XRCC4: variants seen among roughly 807,000 people sequenced by gnomAD.
XRCC4 encodes the protein DNA repair protein XRCC4.
A neutral mutation model predicts 39.1 loss-of-function variants in XRCC4; 28 were observed. That is an observed-to-expected ratio of 0.72 (90% confidence interval 0.53 to 0.98). XRCC4 has a LOEUF of 0.98. Among genes scored for constraint, XRCC4 ranks in the 50% least tolerant of loss-of-function variants. The pLI, the probability that XRCC4 is intolerant of heterozygous loss-of-function variation, is 0.00. For synonymous variants in XRCC4, 123 were observed against 126.4 expected (o/e 0.97, Z 0.18); for missense variants, 350 against 376.4 (o/e 0.93, Z 0.58).
chr5:83,282,325 AAAG>A (rs1300332389), intron 7 of XRCC4, among the ~76,000 whole-genome samples: 1 of 152,176 alleles, frequency 6.6e-6, no homozygotes, highest in Non-Finnish European at 1.5e-5. Flanking sequence ...TAGCAAAAAA[AAAG>A]AAGCAATGTA....
At chr5:83,364,086 T>C in the XRCC4 span, among the ~76,000 whole-genome samples, 4 of 152,272 alleles carry the variant, frequency 2.6e-5, no homozygotes, top group East Asian at 7.7e-4. Context: ...CAAAGCATTG[T>C]GAAAGAGGGG....
chr5:83,150,588 G>A (rs1453271417), intron 3 of XRCC4, among the ~76,000 whole-genome samples: 1 of 152,122 alleles, frequency 6.6e-6, no homozygotes, highest in African/African-American at 2.4e-5. Context: ...ATCTCTCTAG[G>A]TGTTAACTAA....
rs28383153 is a variant in XRCC4, at chr5:83,111,736, A to G, written c.315+533A>G. On this transcript the variant is annotated intron_variant, in intron 3 of 7. Coordinates refer to ENST00000396027, the MANE Select transcript of XRCC4 (RefSeq NM_003401.5). Reference sequence around the variant, plus strand: ...AAGCCTAAGCTTTGCAAACAAGAGTATCTGCTACTTATTCTGCTCAGTTCC... The same window carrying G: ...AAGCCTAAGCTTTGCAAACAAGAGTGTCTGCTACTTATTCTGCTCAGTTCC... Among the ~76,000 whole-genome samples the G allele has an allele frequency of 7.8e-3, 1,186 of 152,270 alleles. 13 individuals are homozygous for G. The highest frequency in any genetic ancestry group is 0.027 in the African/African-American group (1,107 of 41,578).
intron 3 of XRCC4, among the ~76,000 whole-genome samples, chr5:83,133,266 G>C (rs1561351099): frequency 6.6e-6 from 1 of 152,106 alleles, no homozygotes; most frequent in Non-Finnish European, 1.5e-5. Context: ...TCTCAGAGGG[G>C]CACCTGGCCA....
chr5:83,183,240 C>G (rs977936491), intron 3 of XRCC4, among the ~76,000 whole-genome samples: 1 of 151,084 alleles, frequency 6.6e-6, no homozygotes, highest in East Asian at 1.9e-4. Context: ...TATGAATCTT[C>G]TTTTAATCTG....
intron 3 of XRCC4, among the ~76,000 whole-genome samples, chr5:83,142,470 C>T (rs960272868): frequency 6.6e-6 from 1 of 152,188 alleles, no homozygotes; most frequent in Non-Finnish European, 1.5e-5. Flanking sequence ...TACTTTTGTA[C>T]TTAGTTAATG....
chr5:83,179,433 G>A (rs1403385568), intron 3 of XRCC4, among the ~76,000 whole-genome samples: 1 of 152,208 alleles, frequency 6.6e-6, no homozygotes, highest in Non-Finnish European at 1.5e-5. Flanking sequence ...TGCCAGGGAA[G>A]TATATTATGG....
chr5:83,180,493 A>G (rs984124122), intron 3 of XRCC4, among the ~76,000 whole-genome samples: 2 of 152,162 alleles, frequency 1.3e-5, no homozygotes, highest in African/African-American at 4.8e-5. Context: ...CTCTGTATCT[A>G]CAGGGAGTTA....
At chr5:83,107,972 T>C (rs1242059833) in intron 2 of XRCC4, among the ~76,000 whole-genome samples, 1 of 151,824 alleles carries the variant, frequency 6.6e-6, no homozygotes, top group Non-Finnish European at 1.5e-5. Context: ...TTTGGCTAGT[T>C]ATATATAGGT....
intron 6 of XRCC4, among the ~76,000 whole-genome samples, chr5:83,232,582 A>C (rs975395481): frequency 1.3e-5 from 2 of 152,044 alleles, no homozygotes; most frequent in Non-Finnish European, 2.9e-5. Context: ...TTTCACCTGA[A>C]ACTGCTTGTT....
At chr5:83,133,537 C>G (rs2112489979) in intron 3 of XRCC4, among the ~76,000 whole-genome samples, 1 of 152,322 alleles carries the variant, frequency 6.6e-6, no homozygotes, top group African/African-American at 2.4e-5. Flanking sequence ...TGGGCTCCAC[C>G]CAGTTCGAGC....
chr5:83,108,086 C>T (rs772083902), intron 2 of XRCC4, among the ~76,000 whole-genome samples: 1 of 151,946 alleles, frequency 6.6e-6, no homozygotes, highest in Non-Finnish European at 1.5e-5. Flanking sequence ...AGTCTGACTT[C>T]TACCAGTTCC....
At position 83,160,694 on chromosome 5, in the gene XRCC4, G is replaced by C. The variant is rs1241605638; in HGVS notation, c.316-35076G>C. Among the ~76,000 whole-genome samples, 9 of 152,186 alleles carry C rather than the reference G, an allele frequency of 5.9e-5. No individual in the cohort carries two copies. The East Asian group carries it at 1.5e-3, about 26-fold the overall frequency. Reference sequence around the variant, plus strand: ...TTCATGTAGGAAGTTAGTTTTAGTTGCCTTTGGGTAAGGTTTCTTCTTTTC... The same window carrying C: ...TTCATGTAGGAAGTTAGTTTTAGTTCCCTTTGGGTAAGGTTTCTTCTTTTC... On this transcript the variant is annotated intron_variant, in intron 3 of 7. Transcript: ENST00000396027.
At chr5:83,330,550 G>A (rs190089756) in intron 7 of XRCC4, among the ~76,000 whole-genome samples, 76 of 151,948 alleles carry the variant, frequency 5.0e-4, no homozygotes, top group Non-Finnish European at 9.1e-4. Flanking sequence ...TCTTTTTAAG[G>A]CAAGAGAATG....
intron 3 of XRCC4, among the ~76,000 whole-genome samples, chr5:83,191,650 AGATCATGCC>A (rs1750701114): frequency 6.6e-6 from 1 of 152,162 alleles, no homozygotes; most frequent in Non-Finnish European, 1.5e-5. Context: ...CAGTGAGCCG[AGATCATGCC>A]ACTGTACTCT....
intron 7 of XRCC4, among the ~76,000 whole-genome samples, chr5:83,271,492 T>A (rs1004032577): frequency 1.3e-5 from 2 of 152,192 alleles, no homozygotes; most frequent in Non-Finnish European, 2.9e-5. Context: ...TCCAAAATAA[T>A]AATACATGGC....
intron 7 of XRCC4, among the ~76,000 whole-genome samples, chr5:83,266,949 G>C (rs1034581930): frequency 6.6e-6 from 1 of 152,134 alleles, no homozygotes; most frequent in Non-Finnish European, 1.5e-5. Flanking sequence ...CAATGAAGGA[G>C]GAGTAATGAA....
In XRCC4 at chr5:83,111,115, CAGG is replaced by C. The variant is rs760019498; in HGVS notation, c.230_232del (p.Gly77del). On this transcript the variant is annotated inframe_deletion, in exon 3 of 8. Coordinates refer to ENST00000396027, the MANE Select transcript of XRCC4 (RefSeq NM_003401.5). ...GGTGAACTGAGAAAAGCATTGTTGT[CAGG>C]AGCAGGACCAGCTGATGTATACACG... The C allele has an allele frequency of 6.2e-7, 1 of 1,611,508 alleles. No homozygotes were observed. Among genetic ancestry groups the C allele is most frequent in the South Asian group, 1.1e-5 (1 of 90,798 alleles).
intron 6 of XRCC4, among the ~76,000 whole-genome samples, chr5:83,229,752 C>T (rs1752429448): frequency 1.6e-5 from 2 of 122,934 alleles, no homozygotes; most frequent in Admixed American, 9.8e-5. Context: ...CAGGTTTATT[C>T]TAAACTGTTT....
Sources: allele counts gnomAD v4.1 joint callset (sites outside exome capture counted in the v4.1 genomes callset), GRCh38; gene constraint gnomAD v4.1.1; transcripts MANE v1.5; gene names NCBI Gene and HGNC (gene_info 2026-07-23, HGNC 2026-07-21).